PLEKHA8: variants seen among roughly 807,000 people sequenced by gnomAD.
PLEKHA8 encodes pleckstrin homology domain containing A8.
In PLEKHA8, 36 loss-of-function variants were observed where a neutral mutation model predicts 68.2. The ratio of observed to expected loss-of-function variants is 0.53; its 90% CI spans 0.40 to 0.70. PLEKHA8 has a LOEUF of 0.70. Ranked by LOEUF, PLEKHA8 falls within the 30% of genes least tolerant of loss-of-function variation. PLEKHA8 has a pLI of 0.00. For missense variants in PLEKHA8, 505 were observed against 615.4 expected, an observed-to-expected ratio of 0.82 and a Z score of 1.90; for synonymous variants, 211 against 216.1, an observed-to-expected ratio of 0.98 and a Z score of 0.20.
chr7:30,129,492 T>C (rs777725941), downstream of PLEKHA8: 1 of 682,536 alleles, frequency 1.5e-6, no homozygotes, highest in Non-Finnish European at 2.4e-6. Flanking sequence ...AGATTTTTAT[T>C]ATCAGATGAA....
chr7:30,041,040 A>AT (rs889982985), intron 1 of PLEKHA8, among the ~76,000 whole-genome samples: 10 of 152,234 alleles, frequency 6.6e-5, no homozygotes, highest in Admixed American at 6.5e-4. Flanking sequence ...TAGAAACTGG[A>AT]TTAATGGTCT....
At chr7:30,099,150 C>T (rs564056999) in intron 13 of PLEKHA8, among the ~76,000 whole-genome samples, 1 of 152,254 alleles carries the variant, frequency 6.6e-6, no homozygotes, top group African/African-American at 2.4e-5. Flanking sequence ...ATCACACATC[C>T]AAACAGAGAA....
rs964714357 is a variant in PLEKHA8, at chr7:30,115,711, T to C, written c.1363-13555T>C. 6.0e-5 allele frequency: 7 copies of C among 116,318 alleles called. No homozygotes were observed. In the East Asian group the frequency reaches 8.9e-4, roughly 15 times the overall value. 7.2% of individuals were successfully genotyped at this position (116,318 alleles called of 1,614,324 possible). On this transcript the variant is annotated intron_variant, in intron 13 of 13. Coordinates refer to the PLEKHA8 transcript ENST00000396257. ...ATGCATACACGTATACATGTATACA[T>C]ACGCGCATGCATGCATACACGTATA... is the stretch of plus-strand genomic sequence containing the variant.
In PLEKHA8 at chr7:30,046,230, C is replaced by T. The variant is rs1385201053; in HGVS notation, c.178C>T (p.Arg60Cys). The T allele has an allele frequency of 3.7e-6, 6 of 1,610,670 alleles. No homozygotes were observed. Among genetic ancestry groups the T allele is most frequent in the South Asian group, 3.3e-5 (3 of 90,516 alleles). ...CCCAGTTCATTCTGTAGATAATACA[C>T]GCATGGACCTGATAATCCCTGGGGA... ...EIQVHSVDNT[R>C]MDLIIPGEQY... is the part of the protein sequence containing the mutation. Residue 60 changes from arginine (R) to cysteine (C), a missense_variant, in exon 3 of 14, where the codon CGC becomes TGC. Transcript: ENST00000449726.
intron 13 of PLEKHA8, among the ~76,000 whole-genome samples, chr7:30,102,092 A>T (rs1450765494): frequency 1.3e-5 from 2 of 152,226 alleles, no homozygotes; most frequent in Admixed American, 6.5e-5. Context: ...AGCAACAGGA[A>T]AACAAACAAC....
At chr7:30,092,609 G>A (rs772184116), downstream of PLEKHA8, among the ~76,000 whole-genome samples, 1 of 152,170 alleles carries the variant, frequency 6.6e-6, no homozygotes, top group Non-Finnish European at 1.5e-5. Flanking sequence ...ATACTCCGGA[G>A]GACATCTGTT....
chr7:30,065,919 A>C (rs930163183), intron 12 of PLEKHA8, among the ~76,000 whole-genome samples: 2 of 151,918 alleles, frequency 1.3e-5, no homozygotes, highest in Non-Finnish European at 2.9e-5. Flanking sequence ...AATGCAGACT[A>C]TCCGGTTCCA....
At chr7:30,057,965 G>C (rs972999286) in intron 9 of PLEKHA8, among the ~76,000 whole-genome samples, 1 of 152,138 alleles carries the variant, frequency 6.6e-6, no homozygotes, top group African/African-American at 2.4e-5. Context: ...ACCAGCATTT[G>C]GTAGTGTCAA....
chr7:30,047,272 C>T (rs546224650), intron 3 of PLEKHA8, among the ~76,000 whole-genome samples: 1 of 152,118 alleles, frequency 6.6e-6, no homozygotes, highest in South Asian at 2.1e-4. Flanking sequence ...GCTGAGCCCT[C>T]GATGCCAGGG....
At chr7:30,101,328 T>C (rs936502034) in intron 13 of PLEKHA8, among the ~76,000 whole-genome samples, 11 of 152,190 alleles carry the variant, frequency 7.2e-5, no homozygotes, top group African/African-American at 2.7e-4. Context: ...TGTAATAAAA[T>C]ACCATAGACC....
intron 13 of PLEKHA8, among the ~76,000 whole-genome samples, chr7:30,077,802 C>T (rs1486997228): frequency 1.3e-5 from 2 of 151,958 alleles, no homozygotes; most frequent in African/African-American, 2.4e-5. Context: ...ATCTAGTGAC[C>T]GCCAGAAAAC....
intron 12 of PLEKHA8, among the ~76,000 whole-genome samples, chr7:30,070,091 A>T (rs1419999620): frequency 1.3e-5 from 2 of 152,066 alleles, no homozygotes; most frequent in South Asian, 4.2e-4. Context: ...CATGGCAGGG[A>T]TATTTGCAGC....
At chr7:30,112,768 GCATGT>G (rs1796312715) in intron 13 of PLEKHA8, among the ~76,000 whole-genome samples, 1 of 151,830 alleles carries the variant, frequency 6.6e-6, no homozygotes, top group African/African-American at 2.4e-5. Flanking sequence ...AGGTGTGGTG[GCATGT>G]ACCTGTAGTC....
At chr7:30,036,286 A>G (rs1010865144) in intron 1 of PLEKHA8, among the ~76,000 whole-genome samples, 4 of 151,884 alleles carry the variant, frequency 2.6e-5, no homozygotes, top group African/African-American at 4.8e-5. Context: ...AAATAAATAG[A>G]TAGATAGATA....
intron 1 of PLEKHA8, among the ~76,000 whole-genome samples, chr7:30,043,152 A>G (rs1037168043): frequency 1.3e-5 from 2 of 152,114 alleles, no homozygotes; most frequent in African/African-American, 4.8e-5. Context: ...GTATGCCACC[A>G]CTGTCGGCTA....
Position 30,079,540 on chromosome 7 carries a change from T to C in PLEKHA8, c.*753T>C. ...TTACCAGCATGTTCCCCATGCATTA[T>C]CTCAATTGGACATCACAAGTAATGA... On this transcript the variant is annotated 3_prime_UTR_variant, in exon 14 of 14. Coordinates refer to ENST00000449726, the MANE Select transcript of PLEKHA8 (RefSeq NM_001197026.2). 1 of 943,280 alleles carries C rather than the reference T, an allele frequency of 1.1e-6. No homozygotes were observed. The highest frequency in any genetic ancestry group is 1.3e-6 in the Non-Finnish European group (1 of 791,616). The allele number at this position is 943,280 out of a possible 1,614,324, so 58.4% of individuals were successfully genotyped here.
chr7:30,116,269 T>C (rs1424234186), intron 13 of PLEKHA8, among the ~76,000 whole-genome samples: 2 of 151,106 alleles, frequency 1.3e-5, no homozygotes, highest in African/African-American at 4.9e-5. Flanking sequence ...CATGCATACA[T>C]GTATGTATGT....
chr7:30,080,510 T>A lies in PLEKHA8; in HGVS notation c.*1723T>A, dbSNP rs1794872828. ...AGAATTCTCTCTTTAGTCAGAGAAGTTTATGTAGGGAGGGGTATTGGTTTT... is the reference window on the plus strand; with the variant it reads ...AGAATTCTCTCTTTAGTCAGAGAAGATTATGTAGGGAGGGGTATTGGTTTT... On this transcript the variant is annotated 3_prime_UTR_variant, in exon 14 of 14. Transcript: ENST00000449726. 1 of 985,314 alleles carries A rather than the reference T, an allele frequency of 1.0e-6. No individual in the cohort carries two copies. Among genetic ancestry groups the A allele is most frequent in the African/African-American group, 1.7e-5 (1 of 57,346 alleles). 61.0% of individuals were successfully genotyped at this position (985,314 alleles called of 1,614,324 possible). A position where few individuals can be genotyped will look rare whatever the true frequency, so the allele number is the denominator to read the frequency against.
intron 13 of PLEKHA8, among the ~76,000 whole-genome samples, chr7:30,115,547 CACGTATACATGTAGACATATGTAT>C: frequency 4.0e-5 from 2 of 50,370 alleles, no homozygotes. Context: ...TGTACACATG[CACGTATACATGTAGACATATGTAT>C]ACATGCACGT....
Sources: allele counts gnomAD v4.1 joint callset (sites outside exome capture counted in the v4.1 genomes callset), GRCh38; gene constraint gnomAD v4.1.1; transcripts MANE v1.5; gene names NCBI Gene and HGNC (gene_info 2026-07-23, HGNC 2026-07-21).